MTG1: variants seen among roughly 807,000 people sequenced by gnomAD.
MTG1 encodes mitochondrial ribosome-associated GTPase 1.
In MTG1, 30 loss-of-function variants were observed where a neutral mutation model predicts 39.5. That is an observed-to-expected ratio of 0.76 (90% CI 0.57 to 1.03). The LOEUF (loss-of-function observed/expected upper bound fraction) is 1.03. MTG1 is among the 50% of genes least tolerant of loss of function. MTG1 has a pLI of 0.00. For synonymous variants in MTG1, 217 were observed against 179.0 expected, an observed-to-expected ratio of 1.21 and a Z score of -1.69; for missense variants, 513 against 447.4, an observed-to-expected ratio of 1.15 and a Z score of -1.32.
chr10:133,403,552 C>T (rs1392346430), intron 9 of MTG1, among the ~76,000 whole-genome samples: 2 of 152,230 alleles, frequency 1.3e-5, no homozygotes, highest in African/African-American at 4.8e-5. Context: ...TCTTGTTGAT[C>T]TGTCACTCGG....
chr10:133,403,471 G>A (rs56153177), intron 9 of MTG1, among the ~76,000 whole-genome samples: 31,300 of 151,700 alleles, frequency 0.21, 3,695 homozygotes, highest in East Asian at 0.34. Context: ...CCAGGCAGCC[G>A]TCTACTGTCC....
chr10:133,417,448 T>C (rs1347178659), intron 9 of MTG1, among the ~76,000 whole-genome samples: 6 of 149,622 alleles, frequency 4.0e-5, no homozygotes, highest in Admixed American at 2.0e-4. Flanking sequence ...ACTGGAAGCA[T>C]TCCCTTTGAA....
intron 9 of MTG1, among the ~76,000 whole-genome samples, chr10:133,418,467 T>G (rs1251023225): frequency 3.3e-5 from 5 of 151,462 alleles, no homozygotes; most frequent in Non-Finnish European, 7.4e-5. Context: ...CCGGGGCGCC[T>G]CCTCCAGGCT....
intron 9 of MTG1, among the ~76,000 whole-genome samples, chr10:133,405,267 A>G (rs1182909515): frequency 1.3e-5 from 2 of 152,188 alleles, no homozygotes; most frequent in Non-Finnish European, 2.9e-5. Context: ...TAATGCTAAG[A>G]TTTATCTTTT....
intron 7 of MTG1, 44 bp downstream of exon 7, chr10:133,401,634 T>C: frequency 6.3e-7 from 1 of 1,594,486 alleles, no homozygotes; most frequent in Non-Finnish European, 8.6e-7. Flanking sequence ...TCAAGAGCTC[T>C]GCAGGCGTCT....
Position 133,403,451 on chromosome 10 carries a change from C to T in MTG1, c.752+678C>T, listed in dbSNP as rs117810941. ...CCTTCGTGATCACACCTTCCTGCCC[C>T]TCCCTGAGCCCAGGCAGCCGTCTAC... On this transcript the variant is annotated intron_variant, in intron 9 of 10. Transcript: ENST00000317502. Among the ~76,000 whole-genome samples the T allele has an allele frequency of 3.7e-3, 566 of 151,170 alleles. 3 individuals are homozygous for T. The highest frequency in any genetic ancestry group is 0.025 in the Middle Eastern group (7 of 280).
intron 3 of MTG1, among the ~76,000 whole-genome samples, chr10:133,397,053 C>T (rs969653045): frequency 6.6e-6 from 1 of 152,204 alleles, no homozygotes; most frequent in African/African-American, 2.4e-5. Flanking sequence ...TCAGGCCTGC[C>T]CGCAGTTATC....
At chr10:133,394,426 G>A (rs1477100800) in intron 1 of MTG1, 94 bp downstream of exon 1, 1 of 1,331,708 alleles carries the variant, frequency 7.5e-7, no homozygotes, top group Non-Finnish European at 9.7e-7. Flanking sequence ...TGCTTCTCCC[G>A]GTCGTTCTGG....
rs866814769 is a variant in MTG1 at position 133,398,650 on chromosome 10, C to T, written c.363+135C>T. 6.4e-5 allele frequency: 61 copies of T among 959,632 alleles called. No individual in the cohort carries two copies. In the Middle Eastern group the frequency reaches 4.9e-3, roughly 77 times the overall value. The allele number at this position is 959,632 out of a possible 1,614,324, so 59.4% of individuals were successfully genotyped here. On this transcript the variant is annotated intron_variant, in intron 4 of 10. Transcript: ENST00000317502. ...GGTGTTGGTTTCCAGCTGCCACACACGGATGCGATCTCCTGGGGCAAGTGG... is the reference window on the plus strand; with the variant it reads ...GGTGTTGGTTTCCAGCTGCCACACATGGATGCGATCTCCTGGGGCAAGTGG...
At chr10:133,397,932 A>G (rs1849812928) in intron 3 of MTG1, among the ~76,000 whole-genome samples, 1 of 152,152 alleles carries the variant, frequency 6.6e-6, no homozygotes, top group Non-Finnish European at 1.5e-5. Context: ...ACCTGGTCAG[A>G]GAAAGGCCAG....
chr10:133,399,801 G>C, intron 6 of MTG1, 182 bp downstream of exon 6: 1 of 524,154 alleles, frequency 1.9e-6, no homozygotes, highest in African/African-American at 1.9e-5. Context: ...CTGAACAGTG[G>C]GACCAGGTCG....
intron 1 of MTG1, chr10:133,394,568 C>G (rs2133487518): frequency 3.8e-6 from 5 of 1,333,154 alleles, no homozygotes; most frequent in South Asian, 1.9e-5. Flanking sequence ...GGCGCAGCCT[C>G]GGACCCAGGG....
chr10:133,401,437 G>T (rs1281830845), intron 6 of MTG1, 92 bp from the exon 7 acceptor site: 5 of 1,087,890 alleles, frequency 4.6e-6, no homozygotes, highest in Non-Finnish European at 6.7e-6. Context: ...TGCTTGGCTG[G>T]TCAGATGTGT....
At chr10:133,394,530 A>G (rs1849752018) in intron 1 of MTG1, 198 bp downstream of exon 1, 2 of 1,340,402 alleles carry the variant, frequency 1.5e-6, no homozygotes, top group Admixed American at 4.1e-5. Context: ...CAGCTGCGGG[A>G]GAGGCCCGTT....
At chr10:133,405,511 C>T (rs1044430303) in intron 9 of MTG1, among the ~76,000 whole-genome samples, 8 of 152,216 alleles carry the variant, frequency 5.3e-5, no homozygotes, top group Non-Finnish European at 1.0e-4. Context: ...CTTCCCCTCA[C>T]CTCTGGTAAT....
intron 9 of MTG1, among the ~76,000 whole-genome samples, chr10:133,404,005 C>T (rs1849928943): frequency 6.6e-6 from 1 of 150,950 alleles, no homozygotes; most frequent in Non-Finnish European, 1.5e-5. Context: ...TCCCTGATGA[C>T]AGGGACGTTG....
intron 9 of MTG1, among the ~76,000 whole-genome samples, chr10:133,414,509 T>C (rs1336110873): frequency 2.0e-5 from 3 of 150,426 alleles, no homozygotes; most frequent in African/African-American, 4.9e-5. Context: ...GCGGAGGGGC[T>C]CCTCACATCC....
intron 3 of MTG1, among the ~76,000 whole-genome samples, chr10:133,397,804 G>A (rs1849810342): frequency 1.5e-5 from 2 of 137,346 alleles, no homozygotes; most frequent in Admixed American, 7.1e-5. Context: ...TTAAATCATC[G>A]CAAGTGTTTT....
chr10:133,405,504 C>T (rs183675706), intron 9 of MTG1, among the ~76,000 whole-genome samples: 55 of 152,320 alleles, frequency 3.6e-4, no homozygotes, highest in African/African-American at 1.3e-3. Flanking sequence ...ATCCCCTCTT[C>T]CCCTCACCTC....
Sources: allele counts gnomAD v4.1 joint callset (sites outside exome capture counted in the v4.1 genomes callset), GRCh38; gene constraint gnomAD v4.1.1; transcripts MANE v1.5; gene names NCBI Gene and HGNC (gene_info 2026-07-23, HGNC 2026-07-21).